AVL9: variants seen among roughly 807,000 people sequenced by gnomAD.
AVL9 encodes AVL9 cell migration associated.
AVL9 carries 49 observed loss-of-function variants against 79.2 expected under a neutral mutation model. That is an observed-to-expected ratio of 0.62 (90% CI 0.49 to 0.79). AVL9 has a LOEUF of 0.79. Among genes scored for constraint, AVL9 ranks in the 30% least tolerant of loss-of-function variants. The pLI is 0.00. For missense variants in AVL9, 682 were observed against 776.8 expected (o/e 0.88, Z 1.45); for synonymous variants, 299 against 280.6 (o/e 1.07, Z -0.65).
chr7:32,570,177 G>T (rs770434174), intron 11 of AVL9, 23 bp downstream of exon 11: 1 of 1,613,410 alleles, frequency 6.2e-7, no homozygotes, highest in Non-Finnish European at 8.5e-7. Flanking sequence ...GTGAGTGTGT[G>T]TATTTGGCCC....
chr7:32,560,110 G>A (rs962690214), intron 10 of AVL9, among the ~76,000 whole-genome samples: 1 of 151,994 alleles, frequency 6.6e-6, no homozygotes, highest in African/African-American at 2.4e-5. Context: ...CTGCTTGGGA[G>A]GCTGAGATTA....
At position 32,495,528 on chromosome 7, in the gene AVL9, G is replaced by A. The variant is rs1562742427; in HGVS notation, c.-182G>A. ...CCCGGAAGCTGCGGAAGCGGATGAGGGAAGGGCGGCCGTGGCCCTGGGGGC... is the reference window on the plus strand; with the variant it reads ...CCCGGAAGCTGCGGAAGCGGATGAGAGAAGGGCGGCCGTGGCCCTGGGGGC... On this transcript the variant is annotated 5_prime_UTR_variant, in exon 1 of 16. Transcript: ENST00000318709. 5.0e-6 allele frequency: 2 copies of A among 402,852 alleles called. No individual in the cohort carries two copies. Among genetic ancestry groups the A allele is most frequent in the Non-Finnish European group, 8.8e-6 (2 of 227,824 alleles). The allele number at this position is 402,852 out of a possible 1,614,324, so 25.0% of individuals were successfully genotyped here.
intron 12 of AVL9, 52 bp from the exon 13 acceptor site, chr7:32,575,903 T>A: frequency 7.8e-7 from 1 of 1,290,014 alleles, no homozygotes. Flanking sequence ...AATCTTCACA[T>A]CCCTGAATGG....
intron 10 of AVL9, among the ~76,000 whole-genome samples, chr7:32,568,256 G>A (rs1394901808): frequency 1.3e-5 from 2 of 149,940 alleles, no homozygotes; most frequent in South Asian, 2.1e-4. Context: ...GCTGGAGTAC[G>A]ATGGTGCCAT....
intron 1 of AVL9, among the ~76,000 whole-genome samples, chr7:32,523,867 G>T (rs1445230125): frequency 6.6e-6 from 1 of 151,694 alleles, no homozygotes; most frequent in Non-Finnish European, 1.5e-5. Context: ...CCAAGTAGCT[G>T]GGATTACAGG....
At chr7:32,526,953 A>G (rs568932058) in intron 1 of AVL9, among the ~76,000 whole-genome samples, 1 of 152,116 alleles carries the variant, frequency 6.6e-6, no homozygotes, top group Non-Finnish European at 1.5e-5. Flanking sequence ...CCATCCTCCC[A>G]GTGTGCAGGC....
chr7:32,586,775 TA>T lies in AVL9; in HGVS notation c.*2872del, dbSNP rs1791809657. ...TGGCTTCACCACTATCCAGGTGACT[TA>T]AAAGAGTGTTTGGAAAATGTCCCTG... On this transcript the variant is annotated 3_prime_UTR_variant, in exon 16 of 16. Transcript: ENST00000318709. The T allele has an allele frequency of 6.6e-6, 1 of 152,206 alleles. No individual in the cohort carries two copies. The highest frequency in any genetic ancestry group is 2.4e-5 in the African/African-American group (1 of 41,444). 9.4% of individuals were successfully genotyped at this position (152,206 alleles called of 1,614,324 possible).
At chr7:32,565,488 G>A (rs139180984) in intron 10 of AVL9, among the ~76,000 whole-genome samples, 6,099 of 151,544 alleles carry the variant, frequency 0.04, 404 homozygotes, top group African/African-American at 0.14. Context: ...GAACCCAGGA[G>A]GCAGAGGTTG....
At chr7:32,513,226 C>T (rs1787756562) in intron 1 of AVL9, among the ~76,000 whole-genome samples, 1 of 152,138 alleles carries the variant, frequency 6.6e-6, no homozygotes, top group Non-Finnish European at 1.5e-5. Flanking sequence ...CAAAGGCACC[C>T]CTGCAACCAT....
intron 3 of AVL9, among the ~76,000 whole-genome samples, chr7:32,547,180 G>A (rs1430479105): frequency 6.6e-6 from 1 of 152,192 alleles, no homozygotes. Context: ...TTTGTCATTG[G>A]TCAGGCCACA....
In AVL9 at chr7:32,583,958, C is replaced by A. The variant is rs1002198579; in HGVS notation, c.*51C>A. The A allele has an allele frequency of 7.7e-7, 1 of 1,304,892 alleles. No individual in the cohort carries two copies. The highest frequency in any genetic ancestry group is 1.1e-6 in the Non-Finnish European group (1 of 901,550). The allele number at this position is 1,304,892 out of a possible 1,614,324, so 80.8% of individuals were successfully genotyped here. On this transcript the variant is annotated 3_prime_UTR_variant, in exon 16 of 16. Coordinates refer to ENST00000318709, the MANE Select transcript of AVL9 (RefSeq NM_015060.3). ...TTTCTGAGGTTTAAGTGTCCCCTGT[C>A]TGTCTGCTGCTCCCAGGCTGTTACT...
intron 10 of AVL9, among the ~76,000 whole-genome samples, chr7:32,560,407 C>T (rs1410531002): frequency 1.3e-5 from 2 of 152,040 alleles, no homozygotes; most frequent in African/African-American, 4.8e-5. Flanking sequence ...TTCACCACAT[C>T]TTCTTCACTA....
chr7:32,570,109 C>T lies in AVL9; in HGVS notation c.1305C>T (p.Asn435=), dbSNP rs751984269. The T allele has an allele frequency of 6.2e-7, 1 of 1,614,204 alleles. No homozygotes were observed. Among genetic ancestry groups the T allele is most frequent in the Non-Finnish European group, 8.5e-7 (1 of 1,180,042 alleles). Reference sequence around the variant, plus strand: ...GGGGGTTTGTTGCTGGAGCTACTAACATCCTTTTTCGACAACAGAAACACC... The same window carrying T: ...GGGGGTTTGTTGCTGGAGCTACTAATATCCTTTTTCGACAACAGAAACACC... ...TVRGFVAGAT[N]ILFRQQKHLS... is the part of the protein sequence containing the mutation. Residue 435 remains asparagine (N), a synonymous_variant, in exon 11 of 16, where the codon AAC becomes AAT. Coordinates refer to ENST00000318709, the MANE Select transcript of AVL9 (RefSeq NM_015060.3).
chr7:32,549,393 A>G (rs1278443122), intron 4 of AVL9, among the ~76,000 whole-genome samples: 1 of 150,996 alleles, frequency 6.6e-6, no homozygotes, highest in East Asian at 2.0e-4. Context: ...CCTGGCTAAT[A>G]TTTTTGTATT....
intron 1 of AVL9, chr7:32,538,064 T>G (rs1000096791): frequency 4.6e-5 from 7 of 152,244 alleles, no homozygotes; most frequent in Admixed American, 2.0e-4. Context: ...CTTCTATTTA[T>G]GACAGTTTTG....
chr7:32,540,315 G>A (rs915006248), intron 1 of AVL9, among the ~76,000 whole-genome samples: 6 of 152,192 alleles, frequency 3.9e-5, no homozygotes, highest in African/African-American at 1.2e-4. Flanking sequence ...TGAGTCAAAG[G>A]TGGTAAAAGA....
intron 1 of AVL9, among the ~76,000 whole-genome samples, chr7:32,511,419 G>A (rs895544199): frequency 1.3e-5 from 2 of 151,658 alleles, no homozygotes; most frequent in African/African-American, 4.8e-5. Flanking sequence ...CATCAGGTCT[G>A]GTTGTGGGAG....
chr7:32,504,742 A>G (rs868389085), intron 1 of AVL9, among the ~76,000 whole-genome samples: 3 of 152,384 alleles, frequency 2.0e-5, no homozygotes, highest in African/African-American at 7.2e-5. Flanking sequence ...GGCAGAAGTA[A>G]TATTTAATGA....
chr7:32,566,567 A>C (rs1166083892), intron 10 of AVL9, among the ~76,000 whole-genome samples: 1 of 226 alleles, frequency 4.4e-3, no homozygotes, highest in Admixed American at 0.071. Flanking sequence ...AGTTACCTAC[A>C]ATCTAGTAGG....
Sources: allele counts gnomAD v4.1 joint callset (sites outside exome capture counted in the v4.1 genomes callset), GRCh38; gene constraint gnomAD v4.1.1; transcripts MANE v1.5; gene names NCBI Gene and HGNC (gene_info 2026-07-23, HGNC 2026-07-21).